CCDC171: variants seen among roughly 807,000 people sequenced by gnomAD.
CCDC171 encodes the protein coiled-coil domain containing 171, also known as coiled-coil domain-containing protein 171.
Under a neutral mutation model 168.2 loss-of-function variants are expected in CCDC171, and 177 were observed. The observed-to-expected ratio is 1.05, with a 90% CI of 0.93 to 1.19. CCDC171 has a LOEUF of 1.19. Among genes scored for constraint, CCDC171 ranks in the 50% most tolerant of loss-of-function variants. The pLI, the probability that CCDC171 is intolerant of heterozygous loss-of-function variation, is 0.00. For synonymous variants in CCDC171, 687 were observed against 540.8 expected, an observed-to-expected ratio of 1.27 and a Z score of -3.75; for missense variants, 1,991 against 1,539.0, an observed-to-expected ratio of 1.29 and a Z score of -4.91.
chr9:16,095,526 C>G, the CCDC171 span, among the ~76,000 whole-genome samples: 1 of 152,042 alleles, frequency 6.6e-6, no homozygotes, highest in African/African-American at 2.4e-5. Flanking sequence ...TTCTCTCTCA[C>G]ACACACGCTC....
chr9:15,745,367 C>T (rs573621319), intron 17 of CCDC171, 148 bp from the exon 18 acceptor site: 1 of 443,808 alleles, frequency 2.3e-6, no homozygotes, highest in East Asian at 3.5e-5. Flanking sequence ...TCAAGCTAAT[C>T]TAACATTTAA....
chr9:15,769,457 T>A (rs1323411733), intron 18 of CCDC171, among the ~76,000 whole-genome samples: 1 of 152,184 alleles, frequency 6.6e-6, no homozygotes, highest in Non-Finnish European at 1.5e-5. Context: ...GAAAAAAACA[T>A]CTTGTTTCAC....
In CCDC171 at chr9:15,745,642, T is replaced by A; in HGVS notation, c.2671+11T>A. The A allele has an allele frequency of 6.8e-7, 1 of 1,476,940 alleles. No individual in the cohort carries two copies. Among genetic ancestry groups the A allele is most frequent in the Non-Finnish European group, 9.2e-7 (1 of 1,090,668 alleles). 91.5% of individuals were successfully genotyped at this position (1,476,940 alleles called of 1,614,324 possible). On this transcript the variant is annotated intron_variant, in intron 18 of 25. Coordinates refer to ENST00000380701, the MANE Select transcript of CCDC171 (RefSeq NM_173550.4). ...TCATTGGTAAAGCAGGTATGGTTCC[T>A]TCTTTTATGTCCTTGCAAAATACAT...
At chr9:16,072,581 G>C in the CCDC171 span, among the ~76,000 whole-genome samples, 2 of 152,042 alleles carry the variant, frequency 1.3e-5, no homozygotes, top group African/African-American at 4.8e-5. Flanking sequence ...ATGAGTCCTG[G>C]CTCCTTCACA....
chr9:15,627,472 T>C (rs1014956603), intron 7 of CCDC171, among the ~76,000 whole-genome samples: 2 of 152,138 alleles, frequency 1.3e-5, no homozygotes, highest in African/African-American at 4.8e-5. Context: ...CAAATTTCCC[T>C]CTACACGCTG....
rs780270337 is a variant in CCDC171, at chr9:15,729,833, G to A, written c.2049+35G>A. On this transcript the variant is annotated intron_variant, in intron 16 of 25. Transcript: ENST00000380701. ...CTTTACAAAGAGCTTTAAAAAATGG[G>A]TTACTCAGTGTAACCATTAGAAACT... 1.1e-5 allele frequency: 18 copies of A among 1,566,626 alleles called. No homozygotes were observed. In the East Asian group the frequency reaches 3.1e-4, roughly 27 times the overall value.
chr9:15,898,473 C>G (rs1475499008), intron 24 of CCDC171, among the ~76,000 whole-genome samples: 1 of 152,120 alleles, frequency 6.6e-6, no homozygotes, highest in Non-Finnish European at 1.5e-5. Context: ...GTGTGATGAG[C>G]AAAATGCTAG....
chr9:15,882,196 T>C (rs963269751), intron 24 of CCDC171, among the ~76,000 whole-genome samples: 5 of 152,204 alleles, frequency 3.3e-5, no homozygotes, highest in African/African-American at 9.7e-5. Context: ...GTTAATGATG[T>C]TGAGTATTCT....
At chr9:16,096,745 G>T in the CCDC171 span, among the ~76,000 whole-genome samples, 1 of 152,136 alleles carries the variant, frequency 6.6e-6, no homozygotes, top group Non-Finnish European at 1.5e-5. Context: ...TCATCCACTT[G>T]GGGCTAGAGG....
chr9:16,092,369 C>A, the CCDC171 span, among the ~76,000 whole-genome samples: 5 of 152,192 alleles, frequency 3.3e-5, no homozygotes, highest in Admixed American at 6.5e-5. Context: ...GGGTGGCCCC[C>A]TCAGGCACCT....
intron 16 of CCDC171, among the ~76,000 whole-genome samples, chr9:15,744,036 C>T (rs1323642585): frequency 6.6e-6 from 1 of 152,126 alleles, no homozygotes; most frequent in Non-Finnish European, 1.5e-5. Context: ...ATGTGTTCTA[C>T]TTTACATAAA....
chr9:15,867,988 G>A (rs930715214), intron 23 of CCDC171, among the ~76,000 whole-genome samples: 1 of 151,960 alleles, frequency 6.6e-6, no homozygotes, highest in Non-Finnish European at 1.5e-5. Context: ...CTATTTTCCA[G>A]CTTGATAATT....
chr9:15,565,041 C>G (rs1310597498), intron 2 of CCDC171, among the ~76,000 whole-genome samples: 2 of 151,322 alleles, frequency 1.3e-5, no homozygotes, highest in Non-Finnish European at 2.9e-5. Flanking sequence ...GTAATTTACC[C>G]GTAAATTTGT....
chr9:15,600,828 C>T lies in CCDC171; in HGVS notation c.675+6656C>T, dbSNP rs35541710. Among the ~76,000 whole-genome samples, 853 of 152,322 alleles carry T rather than the reference C, an allele frequency of 5.6e-3. 5 individuals carry two copies. Among genetic ancestry groups the T allele is most frequent in the Non-Finnish European group, 8.6e-3 (585 of 68,030 alleles). On this transcript the variant is annotated intron_variant, in intron 6 of 25. Coordinates refer to ENST00000380701, the MANE Select transcript of CCDC171 (RefSeq NM_173550.4). ...CACTTTGTTTACCTACTCAAGCCTCCACAATGGCGGGCGTCCCTCCCCCAG... is the reference window on the plus strand; with the variant it reads ...CACTTTGTTTACCTACTCAAGCCTCTACAATGGCGGGCGTCCCTCCCCCAG...
At chr9:15,616,983 G>A (rs1003287573) in intron 6 of CCDC171, among the ~76,000 whole-genome samples, 1 of 152,168 alleles carries the variant, frequency 6.6e-6, no homozygotes, top group African/African-American at 2.4e-5. Flanking sequence ...TTCTGGGGAG[G>A]CCTCAGGAAG....
chr9:16,063,033 C>T (rs1267030860), downstream of CCDC171, among the ~76,000 whole-genome samples: 5 of 152,142 alleles, frequency 3.3e-5, no homozygotes, highest in African/African-American at 4.8e-5. Flanking sequence ...GCATCACCCC[C>T]GTGTTACCGA....
At chr9:15,691,449 CTA>C (rs2050769426) in intron 10 of CCDC171, among the ~76,000 whole-genome samples, 2 of 146,068 alleles carry the variant, frequency 1.4e-5, no homozygotes, top group South Asian at 4.3e-4. Context: ...TTATTTTTCT[CTA>C]TTTGTTTTTT....
rs191314580 is a variant in CCDC171, at chr9:16,014,187, G to C, written n.369-6402G>C. Among the ~76,000 whole-genome samples the C allele has an allele frequency of 2.5e-4, 38 of 152,278 alleles. No individual in the cohort carries two copies. The East Asian group carries it at 5.2e-3, about 21-fold the overall frequency. On this transcript the variant is annotated intron_variant and non_coding_transcript_variant, in intron 3 of 9. Transcript: ENST00000486641. ...ATTCTAAATCTTTTGTTTCATTTCA[G>C]CAACATTCACAGCATCTTCACCAGG...
At position 15,918,568 on chromosome 9, in the gene CCDC171, A is replaced by G. The variant is rs190267805; in HGVS notation, c.3601-1702A>G. On this transcript the variant is annotated intron_variant, in intron 24 of 25. Coordinates refer to ENST00000380701, the MANE Select transcript of CCDC171 (RefSeq NM_173550.4). ...AGTTTCTGATTTTCACATACTTTTGAGATGCAGAGATATAGTTTGTATTAG... is the reference window on the plus strand; with the variant it reads ...AGTTTCTGATTTTCACATACTTTTGGGATGCAGAGATATAGTTTGTATTAG... 3.0e-3 allele frequency among the ~76,000 whole-genome samples: 452 copies of G among 151,848 alleles called. 2 individuals are homozygous for G. Among genetic ancestry groups the G allele is most frequent in the Non-Finnish European group, 4.7e-3 (316 of 67,682 alleles).
Sources: gnomAD v4.1 joint callset for allele counts (sites outside exome capture counted in the v4.1 genomes callset) on GRCh38, gnomAD v4.1.1 for gene constraint, MANE v1.5 for transcripts, NCBI Gene and HGNC (gene_info 2026-07-23, HGNC 2026-07-21) for gene names.